Variants in SLC44A5 observed in about 807,000 individuals in gnomAD.
SLC44A5 encodes choline transporter-like protein 5.
SLC44A5 carries 57 observed loss-of-function variants against 101.8 expected under a neutral mutation model. The observed-to-expected ratio is 0.56, with a 90% CI of 0.45 to 0.70. SLC44A5 has a LOEUF of 0.70. SLC44A5 is among the 30% of genes least tolerant of loss of function. The probability of loss-of-function intolerance (pLI) is 0.00; values close to 1 mark genes in which losing one functional copy is unlikely to be tolerated. For synonymous variants in SLC44A5, 281 were observed against 290.9 expected, an observed-to-expected ratio of 0.97 and a Z score of 0.35; for missense variants, 737 against 853.1, an observed-to-expected ratio of 0.86 and a Z score of 1.70.
At chr1:75,699,860 T>G in the SLC44A5 span, among the ~76,000 whole-genome samples, 1 of 152,002 alleles carries the variant, frequency 6.6e-6, no homozygotes, top group Admixed American at 6.6e-5. Context: ...GCAATCCTAG[T>G]CTCTGATAAA....
rs138444514 is a variant in SLC44A5 at position 75,318,053 on chromosome 1, A to C, written c.102-17368T>G. 1.8e-4 allele frequency among the ~76,000 whole-genome samples: 28 copies of C among 152,244 alleles called. No individual in the cohort carries two copies. The East Asian group carries it at 5.4e-3, about 29-fold the overall frequency. ...CTCTTGCATACAGTAAACCTCTTTT[A>C]AAAGATACAGTTGAAGTTGGTCATT... On this transcript the variant is annotated intron_variant, in intron 4 of 23. Coordinates refer to ENST00000370859, the MANE Select transcript of SLC44A5 (RefSeq NM_001130058.2).
chr1:75,650,589 T>G, the SLC44A5 span, among the ~76,000 whole-genome samples: 1 of 152,276 alleles, frequency 6.6e-6, no homozygotes, highest in Non-Finnish European at 1.5e-5. Context: ...GAACCAAGTC[T>G]AATTATTTCT....
the SLC44A5 span, among the ~76,000 whole-genome samples, chr1:75,638,840 G>A: frequency 6.6e-6 from 1 of 151,820 alleles, no homozygotes; most frequent in Non-Finnish European, 1.5e-5. Flanking sequence ...CAATATCTTG[G>A]CTGTTGTGAA....
chr1:75,665,285 C>G, the SLC44A5 span, among the ~76,000 whole-genome samples: 1 of 152,048 alleles, frequency 6.6e-6, no homozygotes, highest in Non-Finnish European at 1.5e-5. Flanking sequence ...GACTGGAGGA[C>G]CAGAAATAAA....
chr1:75,443,185 A>G (rs1424577933), intron 2 of SLC44A5, among the ~76,000 whole-genome samples: 3 of 152,176 alleles, frequency 2.0e-5, no homozygotes, highest in Non-Finnish European at 4.4e-5. Context: ...TTACATGCTT[A>G]TATTAGAAAA....
At chr1:75,423,236 C>T (rs76724047) in intron 2 of SLC44A5, among the ~76,000 whole-genome samples, 5,882 of 152,230 alleles carry the variant, frequency 0.039, 160 homozygotes, top group Non-Finnish European at 0.061. Context: ...CGTGAAACAA[C>T]GCTTAGCAAC....
intron 1 of SLC44A5, among the ~76,000 whole-genome samples, chr1:75,610,337 T>A (rs1377316249): frequency 6.6e-6 from 1 of 152,098 alleles, no homozygotes; most frequent in African/African-American, 2.4e-5. Flanking sequence ...GGTGACCCAA[T>A]GGACTTCACT....
intron 15 of SLC44A5, 21 bp downstream of exon 15, chr1:75,219,779 A>T (rs1354689607): frequency 6.5e-7 from 1 of 1,537,436 alleles, no homozygotes; most frequent in Admixed American, 1.7e-5. Context: ...AGGTTTAAAG[A>T]GGCCAATTAC....
intron 2 of SLC44A5, among the ~76,000 whole-genome samples, chr1:75,505,646 G>A (rs776863467): frequency 6.6e-6 from 1 of 152,112 alleles, no homozygotes; most frequent in Non-Finnish European, 1.5e-5. Context: ...CTGTTTGAAT[G>A]TCTTCTTTTC....
the SLC44A5 span, among the ~76,000 whole-genome samples, chr1:75,627,079 C>G: frequency 4.6e-5 from 7 of 152,142 alleles, no homozygotes; most frequent in Non-Finnish European, 8.8e-5. Flanking sequence ...AAGTCCTAGT[C>G]ATCCCTTGAG....
chr1:75,526,040 A>G (rs1670390044), intron 2 of SLC44A5, among the ~76,000 whole-genome samples: 1 of 152,186 alleles, frequency 6.6e-6, no homozygotes, highest in South Asian at 2.1e-4. Context: ...AAAGCAGCAT[A>G]ATTAGTAGTC....
At chr1:75,701,746 A>T in the SLC44A5 span, among the ~76,000 whole-genome samples, 58 of 152,302 alleles carry the variant, frequency 3.8e-4, no homozygotes, top group South Asian at 7.0e-3. Flanking sequence ...ATGATTGTAT[A>T]TCTAGAAAAC....
At chr1:75,509,797 C>T (rs764938493) in intron 2 of SLC44A5, among the ~76,000 whole-genome samples, 2 of 152,104 alleles carry the variant, frequency 1.3e-5, no homozygotes, top group Non-Finnish European at 2.9e-5. Flanking sequence ...GATTATAGGG[C>T]TTACAATTAA....
intron 3 of SLC44A5, among the ~76,000 whole-genome samples, chr1:75,347,313 G>A (rs1239602701): frequency 1.3e-5 from 2 of 152,068 alleles, no homozygotes; most frequent in African/African-American, 2.4e-5. Flanking sequence ...GAAGATAGAC[G>A]TTAATAATCA....
At chr1:75,457,535 T>C (rs1484849834) in intron 2 of SLC44A5, among the ~76,000 whole-genome samples, 3 of 152,032 alleles carry the variant, frequency 2.0e-5, no homozygotes, top group African/African-American at 4.8e-5. Context: ...CTCTGGAAGC[T>C]AGGTTGTGCA....
At chr1:75,497,031 G>A (rs1668713671) in intron 2 of SLC44A5, among the ~76,000 whole-genome samples, 2 of 152,094 alleles carry the variant, frequency 1.3e-5, no homozygotes, top group Non-Finnish European at 2.9e-5. Context: ...AGTTATCAAT[G>A]AGAATGTAAT....
the SLC44A5 span, among the ~76,000 whole-genome samples, chr1:75,636,588 T>C: frequency 6.6e-6 from 1 of 152,136 alleles, no homozygotes; most frequent in Non-Finnish European, 1.5e-5. Context: ...CCTGAGGAAC[T>C]GCAATCATTT....
chr1:75,608,327 G>A (rs1411832469), intron 1 of SLC44A5, among the ~76,000 whole-genome samples: 2 of 151,416 alleles, frequency 1.3e-5, no homozygotes, highest in African/African-American at 4.9e-5. Flanking sequence ...AAAATGTGAG[G>A]GGTATGTGTG....
chr1:75,293,608 T>C (rs1456465124), intron 5 of SLC44A5, among the ~76,000 whole-genome samples: 1 of 152,160 alleles, frequency 6.6e-6, no homozygotes, highest in African/African-American at 2.4e-5. Context: ...GATACCAAAT[T>C]TGAAAATCTG....
Sources: gnomAD v4.1 joint callset for allele counts (sites outside exome capture counted in the v4.1 genomes callset) on GRCh38, gnomAD v4.1.1 for gene constraint, MANE v1.5 for transcripts, NCBI Gene and HGNC (gene_info 2026-07-23, HGNC 2026-07-21) for gene names.